The following NCAPG variants were observed in gnomAD, a reference collection of about 807,000 sequenced individuals.
NCAPG encodes the protein non-SMC condensin I complex subunit G.
In NCAPG, 69 loss-of-function variants were observed where a neutral mutation model predicts 113.1. The ratio of observed to expected loss-of-function variants is 0.61; its 90% CI spans 0.50 to 0.75. The LOEUF (loss-of-function observed/expected upper bound fraction) is 0.75. Among genes scored for constraint, NCAPG ranks in the 30% least tolerant of loss-of-function variants. The probability of loss-of-function intolerance (pLI) is 0.00; values close to 1 mark genes in which losing one functional copy is unlikely to be tolerated. For missense variants in NCAPG, 1,058 were observed against 1,177.0 expected, an observed-to-expected ratio of 0.90 and a Z score of 1.48; for synonymous variants, 370 against 415.8, an observed-to-expected ratio of 0.89 and a Z score of 1.34.
chr4:17,818,832 C>T (rs1721327765), intron 7 of NCAPG, among the ~76,000 whole-genome samples: 1 of 152,094 alleles, frequency 6.6e-6, no homozygotes, highest in Admixed American at 6.5e-5. Flanking sequence ...TACTTTATTT[C>T]ACTTTAAAAT....
chr4:17,824,954 C>T lies in NCAPG; in HGVS notation c.1384-14C>T, dbSNP rs1000508162. 2 of 1,589,102 alleles carry T rather than the reference C, an allele frequency of 1.3e-6. No individual in the cohort carries two copies. Among genetic ancestry groups the T allele is most frequent in the Admixed American group, 3.4e-5 (2 of 59,210 alleles). ...TATCAAACATATATTAAAGCATGTA[C>T]TCTGAACTTACAGGTTACAGAAATT... On this transcript the variant is annotated splice_polypyrimidine_tract_variant and intron_variant, in intron 9 of 20. Transcript: ENST00000251496.
intron 19 of NCAPG, chr4:17,841,899 T>A (rs1722446957): frequency 6.4e-6 from 1 of 155,434 alleles, no homozygotes; most frequent in Non-Finnish European, 1.4e-5. Flanking sequence ...AAAAGTTGTT[T>A]CTTTAGCACC....
intron 18 of NCAPG, 48 bp from the exon 19 acceptor site, chr4:17,840,559 T>C (rs1429041110): frequency 9.0e-7 from 1 of 1,105,532 alleles, no homozygotes; most frequent in African/African-American, 1.7e-5. Context: ...ATTTAAAATA[T>C]TTCATGAGGT....
rs202213288 is a variant in NCAPG, at chr4:17,824,947, G to A, written c.1384-21G>A. Reference sequence around the variant, plus strand: ...GCTGATATATCAAACATATATTAAAGCATGTACTCTGAACTTACAGGTTAC... The same window carrying A: ...GCTGATATATCAAACATATATTAAAACATGTACTCTGAACTTACAGGTTAC... On this transcript the variant is annotated intron_variant, in intron 9 of 20. Transcript: ENST00000251496. 1.2e-5 allele frequency: 19 copies of A among 1,551,802 alleles called. No homozygotes were observed. The East Asian group carries it at 3.8e-4, about 31-fold the overall frequency.
rs374132758 is a variant in NCAPG, at chr4:17,839,734, C to T, written c.2525C>T (p.Pro842Leu). 30 of 1,584,602 alleles carry T rather than the reference C, an allele frequency of 1.9e-5. No homozygotes were observed. Among genetic ancestry groups the T allele is most frequent in the Middle Eastern group, 1.7e-4 (1 of 5,724 alleles). ...MKICNEILTS[P>L]CSPEIRVYTK... Reference sequence around the variant, plus strand: ...ATTTGCAATGAGATCTTAACAAGTCCGTGCTCGCCAGAAATTCGAGTCTAT... The same window carrying T: ...ATTTGCAATGAGATCTTAACAAGTCTGTGCTCGCCAGAAATTCGAGTCTAT... Residue 842 changes from proline (P) to leucine (L), a missense_variant, in exon 17 of 21, where the codon CCG becomes CTG. Physicochemically the swap from Pro to Leu is moderately conservative, Grantham distance 98. Coordinates refer to ENST00000251496, the MANE Select transcript of NCAPG (RefSeq NM_022346.5).
intron 5 of NCAPG, 42 bp downstream of exon 5, chr4:17,815,400 T>C: frequency 6.9e-7 from 1 of 1,440,928 alleles, no homozygotes; most frequent in Non-Finnish European, 9.5e-7. Context: ...TTAGTAGATT[T>C]TGAGGTCAGA....
rs537293774 is a variant in NCAPG, at chr4:17,833,415, C to T, written c.1885-884C>T. Reference sequence around the variant, plus strand: ...TGGAGGTTGCAGTGAGCTGAGATTGCGCTATTATGCTCCAGGCTGGGCAAC... The same window carrying T: ...TGGAGGTTGCAGTGAGCTGAGATTGTGCTATTATGCTCCAGGCTGGGCAAC... On this transcript the variant is annotated intron_variant, in intron 13 of 20. Coordinates refer to ENST00000251496, the MANE Select transcript of NCAPG (RefSeq NM_022346.5). Among the ~76,000 whole-genome samples, 12 of 150,952 alleles carry T rather than the reference C, an allele frequency of 7.9e-5. No individual in the cohort carries two copies. The East Asian group carries it at 2.1e-3, about 27-fold the overall frequency.
intron 6 of NCAPG, among the ~76,000 whole-genome samples, 171 bp from the exon 7 acceptor site, chr4:17,817,768 T>G (rs1560223240): frequency 6.6e-6 from 1 of 152,224 alleles, no homozygotes; most frequent in Non-Finnish European, 1.5e-5. Flanking sequence ...TATTTGGTTC[T>G]TTTTTGTTCT....
chr4:17,825,433 T>C lies in NCAPG; in HGVS notation c.1525T>C (p.Cys509Arg), dbSNP rs1439177089. The C allele has an allele frequency of 6.2e-7, 1 of 1,601,654 alleles. No individual in the cohort carries two copies. Among genetic ancestry groups the C allele is most frequent in the Non-Finnish European group, 8.5e-7 (1 of 1,176,938 alleles). Residue 509 changes from cysteine (C) to arginine (R), a missense_variant, in exon 11 of 21, where the codon TGC becomes CGC. Physicochemically the swap from Cys to Arg is radical, Grantham distance 180. Transcript: ENST00000251496. ...LIEAKEALEN[C>R]ITLQDFNRAS... Reference sequence around the variant, plus strand: ...CGAAGCCAAAGAAGCTTTGGAAAATTGCATTACCTTACAGGATTTTAATCG... The same window carrying C: ...CGAAGCCAAAGAAGCTTTGGAAAATCGCATTACCTTACAGGATTTTAATCG...
intron 7 of NCAPG, among the ~76,000 whole-genome samples, chr4:17,819,406 TA>T (rs1314319186): frequency 5.4e-5 from 8 of 148,850 alleles, no homozygotes; most frequent in African/African-American, 1.5e-4. Context: ...CTTTATGGTT[TA>T]TTTTTTTTTT....
chr4:17,815,304 A>G lies in NCAPG; in HGVS notation c.721A>G (p.Met241Val). The G allele has an allele frequency of 1.9e-6, 3 of 1,597,792 alleles. No homozygotes were observed. The highest frequency in any genetic ancestry group is 2.6e-6 in the Non-Finnish European group (3 of 1,176,470). ...AGCTGAAAAGGTTCATATGAGAGCT[A>G]TGTCCATTGCTCAGAGAGTAATGCT... is the stretch of plus-strand genomic sequence containing the variant. ...VLAEKVHMRA[M>V]SIAQRVMLLQ... Residue 241 changes from methionine to valine, a missense_variant, in exon 5 of 21, where the codon ATG becomes GTG. Physicochemically the swap from Met to Val is conservative, Grantham distance 21 (BLOSUM62 1). Coordinates refer to ENST00000251496, the MANE Select transcript of NCAPG (RefSeq NM_022346.5).
chr4:17,825,208 A>G lies in NCAPG; in HGVS notation c.1473+151A>G, dbSNP rs147569405. The G allele has an allele frequency of 3.4e-4, 270 of 794,252 alleles. 1 individual carries two copies. In the African/African-American group the frequency reaches 3.9e-3, roughly 11 times the overall value. The allele number at this position is 794,252 out of a possible 1,614,324, so 49.2% of individuals were successfully genotyped here. A position where few individuals can be genotyped will look rare whatever the true frequency, so the allele number is the denominator to read the frequency against. On this transcript the variant is annotated intron_variant, in intron 10 of 20. Coordinates refer to ENST00000251496, the MANE Select transcript of NCAPG (RefSeq NM_022346.5). ...ATAAGAATATTTAAAATGTTACCACATATGTCAGTCTCAGAGATATGCAGA... is the reference window on the plus strand; with the variant it reads ...ATAAGAATATTTAAAATGTTACCACGTATGTCAGTCTCAGAGATATGCAGA...
chr4:17,814,073 A>C (rs1240487398), intron 3 of NCAPG, among the ~76,000 whole-genome samples: 1 of 152,246 alleles, frequency 6.6e-6, no homozygotes, highest in African/African-American at 2.4e-5. Flanking sequence ...GTTTGTTTCA[A>C]TGAATAAAAC....
rs1222124590 is a variant in NCAPG at position 17,840,000 on chromosome 4, T to C, written c.2629-71T>C. ...TTTAGTGTTTTTAAACAACTTGATA[T>C]GTATTGGTACTATTTTCAAAGATTA... On this transcript the variant is annotated intron_variant, in intron 17 of 20. Coordinates refer to ENST00000251496, the MANE Select transcript of NCAPG (RefSeq NM_022346.5). The C allele has an allele frequency of 4.0e-6, 6 of 1,514,220 alleles. No homozygotes were observed. In the African/African-American group the frequency reaches 7.1e-5, roughly 18 times the overall value. 93.8% of individuals were successfully genotyped at this position (1,514,220 alleles called of 1,614,324 possible). A position where few individuals can be genotyped will look rare whatever the true frequency, so the allele number is the denominator to read the frequency against.
At position 17,842,326 on chromosome 4, in the gene NCAPG, A is replaced by T. The variant is rs141340196; in HGVS notation, c.2871A>T (p.Thr957=). 3.1e-5 allele frequency: 50 copies of T among 1,612,114 alleles called. No individual in the cohort carries two copies. The Middle Eastern group carries it at 6.6e-4, about 21-fold the overall frequency. The part of the protein sequence containing the change: ...LKTNRGQRKV[T]VSARTNRRCQ... Reference sequence around the variant, plus strand: ...ATCTTCAAGGACAGAGAAAAGTGACAGTTTCAGCTAGGACGAACAGGAGGT... The same window carrying T: ...ATCTTCAAGGACAGAGAAAAGTGACTGTTTCAGCTAGGACGAACAGGAGGT... The change falls in exon 20 of 21, where the codon ACA becomes ACT. Residue 957 remains threonine, a synonymous_variant. Transcript: ENST00000251496.
intron 3 of NCAPG, chr4:17,813,407 T>TA (rs1721074890): frequency 1.2e-5 from 3 of 250,570 alleles, no homozygotes; most frequent in Non-Finnish European, 2.3e-5. Context: ...TTGCTTAAAT[T>TA]AAAAAAAATT....
intron 12 of NCAPG, among the ~76,000 whole-genome samples, chr4:17,829,000 T>C (rs947116498): frequency 9.9e-5 from 15 of 152,048 alleles, no homozygotes; most frequent in African/African-American, 3.4e-4. Context: ...AACTGTATTA[T>C]TTGGATATGT....
At chr4:17,825,200 G>T in intron 10 of NCAPG, 143 bp downstream of exon 10, 1 of 799,480 alleles carries the variant, frequency 1.3e-6, no homozygotes, top group Non-Finnish European at 2.0e-6. Context: ...TATTTAAAAT[G>T]TTACCACATA....
chr4:17,812,154 T>TA, intron 1 of NCAPG, 67 bp from the exon 2 acceptor site: 1 of 1,170,618 alleles, frequency 8.5e-7, no homozygotes, highest in Non-Finnish European at 1.3e-6. Flanking sequence ...TCATCAGTCT[T>TA]AGGGTGATGT....
Sources: allele counts gnomAD v4.1 joint callset (sites outside exome capture counted in the v4.1 genomes callset), GRCh38; gene constraint gnomAD v4.1.1; transcripts MANE v1.5; gene names NCBI Gene and HGNC (gene_info 2026-07-23, HGNC 2026-07-21).